Variants in FKBP10 observed in about 807,000 individuals in gnomAD.
The protein encoded by FKBP10 is peptidyl-prolyl cis-trans isomerase FKBP10.
In FKBP10, 34 loss-of-function variants were observed where a neutral mutation model predicts 53.7. The ratio of observed to expected loss-of-function variants is 0.63; its 90% CI spans 0.48 to 0.84. The LOEUF (loss-of-function observed/expected upper bound fraction) is 0.84, where lower values mean the gene tolerates loss of function less well. Ranked by LOEUF, FKBP10 falls within the 40% of genes least tolerant of loss-of-function variation. FKBP10 has a pLI of 0.00. For synonymous variants in FKBP10, 324 were observed against 335.7 expected (o/e 0.97, Z 0.38); for missense variants, 748 against 797.8 (o/e 0.94, Z 0.75).
intron 3 of FKBP10, 39 bp from the exon 4 acceptor site, chr17:41,818,343 C>T: frequency 2.5e-6 from 4 of 1,614,124 alleles, no homozygotes; most frequent in South Asian, 1.1e-5. Context: ...GAATCCGGGG[C>T]CCAGCCTGCC....
intron 2 of FKBP10, among the ~76,000 whole-genome samples, chr17:41,817,767 A>G (rs1010674609): frequency 3.3e-5 from 5 of 151,498 alleles, no homozygotes; most frequent in Admixed American, 2.6e-4. Context: ...AGCTGGGACT[A>G]CAGGTGCACA....
In FKBP10 at chr17:41,822,764, A is replaced by C. The variant is rs2047908580; in HGVS notation, c.*356A>C. ...CTGAGCTTGTTATCCATCTCCCCAA[A>C]CTTTCTCTTTCTTTGTACTTCTTGT... On this transcript the variant is annotated 3_prime_UTR_variant, in exon 10 of 10. Coordinates refer to ENST00000321562, the MANE Select transcript of FKBP10 (RefSeq NM_021939.4). 5.4e-6 allele frequency: 2 copies of C among 371,522 alleles called. No homozygotes were observed. Among genetic ancestry groups the C allele is most frequent in the Non-Finnish European group, 1.0e-5 (2 of 194,620 alleles). The allele number at this position is 371,522 out of a possible 1,614,324, so 23.0% of individuals were successfully genotyped here. A position where few individuals can be genotyped will look rare whatever the true frequency, so the allele number is the denominator to read the frequency against.
intron 1 of FKBP10, among the ~76,000 whole-genome samples, chr17:41,815,620 A>AT (rs1257285245): frequency 6.7e-6 from 1 of 148,500 alleles, no homozygotes; most frequent in Non-Finnish European, 1.5e-5. Flanking sequence ...CGCCTCCACA[A>AT]TTTTTTTTGT....
At chr17:41,815,689 T>C (rs2047806623) in intron 1 of FKBP10, among the ~76,000 whole-genome samples, 1 of 139,036 alleles carries the variant, frequency 7.2e-6, no homozygotes, top group Non-Finnish European at 1.6e-5. Flanking sequence ...TCTCCTGACC[T>C]CATGATCTGC....
chr17:41,819,125 A>C (rs763752063), intron 4 of FKBP10, 85 bp from the exon 5 acceptor site: 1 of 1,373,068 alleles, frequency 7.3e-7, no homozygotes, highest in Non-Finnish European at 1.0e-6. Flanking sequence ...AGTGTCTTGC[A>C]TGGTGCCCAC....
At chr17:41,818,357 C>T in intron 3 of FKBP10, 25 bp from the exon 4 acceptor site, 1 of 1,614,204 alleles carries the variant, frequency 6.2e-7, no homozygotes, top group Non-Finnish European at 8.5e-7. Flanking sequence ...GCCTGCCTCT[C>T]CCACCTCCAC....
chr17:41,815,274 G>A (rs1028984401), intron 1 of FKBP10, among the ~76,000 whole-genome samples: 6 of 151,936 alleles, frequency 3.9e-5, no homozygotes, highest in South Asian at 2.1e-4. Context: ...CGCCCACCTC[G>A]GCCTCCCAAA....
intron 4 of FKBP10, 25 bp from the exon 5 acceptor site, chr17:41,819,184 TG>T: frequency 6.2e-7 from 1 of 1,613,418 alleles, no homozygotes; most frequent in Non-Finnish European, 8.5e-7. Context: ...CCCAATTTTA[TG>T]GTTCAAGCCC....
In FKBP10 at chr17:41,821,648, C is replaced by T. The variant is rs782331462; in HGVS notation, c.1400-6C>T. On this transcript the variant is annotated splice_region_variant and splice_polypyrimidine_tract_variant and intron_variant, in intron 8 of 9. Transcript: ENST00000321562. The stretch of plus-strand genomic sequence containing the variant: ...ACCCCTCCCTTCTCTCCTGCCCTCC[C>T]TCCAGCCCGGGGAGTCCCAGGCAGT... The T allele has an allele frequency of 2.5e-6, 4 of 1,613,762 alleles. No homozygotes were observed. Among genetic ancestry groups the T allele is most frequent in the Non-Finnish European group, 3.4e-6 (4 of 1,179,988 alleles).
At chr17:41,818,798 ACAAAAAAATTAG>A (rs2047849474) in intron 4 of FKBP10, 3 of 453,016 alleles carry the variant, frequency 6.6e-6, no homozygotes, top group Non-Finnish European at 1.2e-5. Flanking sequence ...TACTAAAAAT[ACAAAAAAATTAG>A]CCGGGCGTGG....
In FKBP10 at chr17:41,821,659, G is replaced by A; in HGVS notation, c.1405G>A (p.Gly469Arg). The A allele has an allele frequency of 1.9e-6, 3 of 1,613,892 alleles. No homozygotes were observed. Among genetic ancestry groups the A allele is most frequent in the Non-Finnish European group, 2.5e-6 (3 of 1,179,982 alleles). The change falls in exon 9 of 10, where the codon GGA (glycine) becomes AGA (arginine). Residue 469 changes from glycine to arginine, a missense_variant. Physicochemically the swap from Gly to Arg is moderately radical, Grantham distance 125. Transcript: ENST00000321562. ...CTCTCCTGCCCTCCCTCCAGCCCGG[G>A]GAGTCCCAGGCAGTGCTGTGCTGCT... Reference protein sequence around the residue: ...HLAHGESGARGVPGSAVLLFE... With the variant: ...HLAHGESGARRVPGSAVLLFE...
At chr17:41,820,496 G>A in intron 7 of FKBP10, 35 bp downstream of exon 7, 1 of 1,608,490 alleles carries the variant, frequency 6.2e-7, no homozygotes, top group Non-Finnish European at 8.5e-7. Context: ...TGGGCAGGTG[G>A]GTGGGCACAG....
At chr17:41,817,927 C>T (rs1262101508) in intron 2 of FKBP10, among the ~76,000 whole-genome samples, 162 bp from the exon 3 acceptor site, 1 of 151,820 alleles carries the variant, frequency 6.6e-6, no homozygotes, top group Non-Finnish European at 1.5e-5. Flanking sequence ...CTGTGTCTGG[C>T]CCCCTATCTC....
chr17:41,814,218 T>C (rs2047786927), intron 1 of FKBP10, among the ~76,000 whole-genome samples: 1 of 152,198 alleles, frequency 6.6e-6, no homozygotes, highest in Non-Finnish European at 1.5e-5. Flanking sequence ...AGGAAATTAG[T>C]GGCCATGACT....
At chr17:41,822,090 TGAGTTACA>T (rs1555617261) in intron 9 of FKBP10, 125 bp from the exon 10 acceptor site, 1 of 964,706 alleles carries the variant, frequency 1.0e-6, no homozygotes, top group African/African-American at 1.6e-5. Flanking sequence ...CAGCCCTTCC[TGAGTTACA>T]GGGTGCGGGG....
At chr17:41,817,410 G>C (rs2047830340) in intron 2 of FKBP10, among the ~76,000 whole-genome samples, 1 of 152,110 alleles carries the variant, frequency 6.6e-6, no homozygotes, top group Admixed American at 6.6e-5. Flanking sequence ...TGGGAGGATT[G>C]CTTGAACCCA....
At chr17:41,820,536 G>T in intron 7 of FKBP10, 75 bp downstream of exon 7, 33 of 1,472,840 alleles carry the variant, frequency 2.2e-5, no homozygotes, top group Non-Finnish European at 3.1e-5. Flanking sequence ...GTGCACCCCC[G>T]ACGCCTGCTC....
intron 2 of FKBP10, 123 bp from the exon 3 acceptor site, chr17:41,817,966 T>G: frequency 2.1e-6 from 2 of 970,616 alleles, no homozygotes; most frequent in African/African-American, 1.6e-5. Context: ...AATAGTGGCA[T>G]CTCTGTCCCT....
intron 1 of FKBP10, among the ~76,000 whole-genome samples, chr17:41,814,851 G>A (rs536768398): frequency 6.6e-6 from 1 of 152,268 alleles, no homozygotes; most frequent in East Asian, 1.9e-4. Context: ...TCCTGCTTCA[G>A]CCTCCCAAGT....
Sources: gnomAD v4.1 joint callset for allele counts (sites outside exome capture counted in the v4.1 genomes callset) on GRCh38, gnomAD v4.1.1 for gene constraint, MANE v1.5 for transcripts, NCBI Gene and HGNC (gene_info 2026-07-23, HGNC 2026-07-21) for gene names.